The following ADAM11 variants were observed in gnomAD, a reference collection of about 807,000 sequenced individuals.
ADAM11 encodes ADAM metallopeptidase domain 11.
ADAM11 carries 49 observed loss-of-function variants against 119.1 expected under a neutral mutation model. The ratio of observed to expected loss-of-function variants is 0.41; its 90% CI spans 0.33 to 0.52. ADAM11 has a LOEUF of 0.52. Among genes scored for constraint, ADAM11 ranks in the 20% least tolerant of loss-of-function variants. The pLI is 0.20. For synonymous variants in ADAM11, 364 were observed against 408.0 expected, an observed-to-expected ratio of 0.89 and a Z score of 1.30; for missense variants, 777 against 1,047.5, an observed-to-expected ratio of 0.74 and a Z score of 3.56.
intron 2 of ADAM11, among the ~76,000 whole-genome samples, chr17:44,768,320 A>G (rs2049476135): frequency 6.6e-6 from 1 of 152,188 alleles, no homozygotes; most frequent in African/African-American, 2.4e-5. Context: ...AGCCTTGGTC[A>G]GCCTGGAATA....
rs748575332 is a variant in ADAM11 at position 44,776,892 on chromosome 17, C to T, written c.1618-7C>T. ...CATCCCTTGCCTCTTAATTCTTGGACTCTCAGGGCCGCTGCTACGGAGGTC... is the reference window on the plus strand; with the variant it reads ...CATCCCTTGCCTCTTAATTCTTGGATTCTCAGGGCCGCTGCTACGGAGGTC... On this transcript the variant is annotated splice_polypyrimidine_tract_variant and splice_region_variant and intron_variant, in intron 19 of 26. Transcript: ENST00000200557. The surrounding 1 kb of genome is among the most constrained non-coding windows in gnomAD (Gnocchi z 5.2). The T allele has an allele frequency of 6.2e-7, 1 of 1,613,532 alleles. No homozygotes were observed. Among genetic ancestry groups the T allele is most frequent in the Non-Finnish European group, 8.5e-7 (1 of 1,179,502 alleles).
At position 44,759,602 on chromosome 17, in the gene ADAM11, C is replaced by T. The variant is rs1029293374; in HGVS notation, c.62-120C>T. On this transcript the variant is annotated intron_variant, in intron 1 of 26. Transcript: ENST00000200557. ...TGCAGGGCAGCCAGATCCTCCCACC[C>T]GGATCGCCCTAGGGCTCCAGGGGCC... 3.0e-5 allele frequency: 39 copies of T among 1,304,002 alleles called. 1 individual carries two copies. The South Asian group carries it at 1.1e-3, about 37-fold the overall frequency. The allele number at this position is 1,304,002 out of a possible 1,614,324, so 80.8% of individuals were successfully genotyped here.
Position 44,772,609 on chromosome 17 carries a change from C to G in ADAM11, c.678+143C>G. ...ATGGATGTGGCTGGGGGCCAGGGAC[C>G]GTGTCTGGGAGAAGCCCCCACCCCT... On this transcript the variant is annotated intron_variant, in intron 8 of 26. Transcript: ENST00000200557. The surrounding 1 kb of genome is among the most constrained non-coding windows in gnomAD (Gnocchi z 4.5). The G allele has an allele frequency of 8.4e-7, 1 of 1,192,878 alleles. No individual in the cohort carries two copies. Among genetic ancestry groups the G allele is most frequent in the East Asian group, 2.6e-5 (1 of 38,986 alleles). The allele number at this position is 1,192,878 out of a possible 1,614,324, so 73.9% of individuals were successfully genotyped here.
At position 44,777,468 on chromosome 17, in the gene ADAM11, A is replaced by T. The variant is rs772992339; in HGVS notation, c.1782-14A>T. 6.2e-7 allele frequency: 1 copy of T among 1,613,214 alleles called. No homozygotes were observed. Among genetic ancestry groups the T allele is most frequent in the Non-Finnish European group, 8.5e-7 (1 of 1,179,178 alleles). On this transcript the variant is annotated splice_polypyrimidine_tract_variant and intron_variant, in intron 21 of 26. Transcript: ENST00000200557. The surrounding 1 kb of genome is among the most constrained non-coding windows in gnomAD (Gnocchi z 5.1). Reference sequence around the variant, plus strand: ...GTCAAACTTGGGGCTCACTGTCTCTATATGCCCCAACAGGGACGTGCTGTG... The same window carrying T: ...GTCAAACTTGGGGCTCACTGTCTCTTTATGCCCCAACAGGGACGTGCTGTG...
At chr17:44,763,166 A>G (rs1454891850) in intron 2 of ADAM11, among the ~76,000 whole-genome samples, 3 of 152,178 alleles carry the variant, frequency 2.0e-5, no homozygotes, top group African/African-American at 7.2e-5. Flanking sequence ...CAAAAGAACA[A>G]GGTAGAGAAA....
chr17:44,774,337 G>C lies in ADAM11; in HGVS notation c.1035G>C (p.Val345=), dbSNP rs532001484. The C allele has an allele frequency of 5.5e-5, 82 of 1,481,440 alleles. No individual in the cohort carries two copies. Among genetic ancestry groups the C allele is most frequent in the Non-Finnish European group, 6.7e-5 (75 of 1,111,172 alleles). 91.8% of individuals were successfully genotyped at this position (1,481,440 alleles called of 1,614,324 possible). A position where few individuals can be genotyped will look rare whatever the true frequency, so the allele number is the denominator to read the frequency against. The change falls in exon 12 of 27, where the codon GTG becomes GTC. Residue 345 remains valine (V), a synonymous_variant. Coordinates refer to ENST00000200557, the MANE Select transcript of ADAM11 (RefSeq NM_002390.6). ...GCACGAGCAGCGGGGCAGCCTACGT[G>C]GGGGGCATATGCTCCCTGTCCCACG... ...FQSTSSGAAY[V]GGICSLSHGG...
Position 44,772,263 on chromosome 17 carries a change from G to T in ADAM11, c.544-4G>T. On this transcript the variant is annotated splice_polypyrimidine_tract_variant and splice_region_variant and intron_variant, in intron 6 of 26. Transcript: ENST00000200557. The surrounding 1 kb of genome is among the most constrained non-coding windows in gnomAD (Gnocchi z 4.5). ...CCCCAAGAACTAATTTCCCCTCATT[G>T]CAGGGACCCCTTCCCCACCTCATTT... is the stretch of plus-strand genomic sequence containing the variant. The T allele has an allele frequency of 6.2e-7, 1 of 1,606,400 alleles. No homozygotes were observed.
In ADAM11 at chr17:44,776,282, C is replaced by T. The variant is rs1366977355; in HGVS notation, c.1566+75C>T. The T allele has an allele frequency of 2.9e-5, 44 of 1,534,122 alleles. No homozygotes were observed. Among genetic ancestry groups the T allele is most frequent in the Non-Finnish European group, 4.0e-5 (44 of 1,113,550 alleles). On this transcript the variant is annotated intron_variant, in intron 18 of 26. Coordinates refer to ENST00000200557, the MANE Select transcript of ADAM11 (RefSeq NM_002390.6). This position sits in a 1 kb window ranked among gnomAD's most constrained non-coding sequence, Gnocchi z 5.2. ...CCCTTGTCGATTTGGTTTTCCCGGA[C>T]GAGTGCTCAGCACTCCCCTCCTCTC...
chr17:44,771,567 C>T lies in ADAM11; in HGVS notation c.382-17C>T. On this transcript the variant is annotated splice_polypyrimidine_tract_variant and intron_variant, in intron 4 of 26. Coordinates refer to ENST00000200557, the MANE Select transcript of ADAM11 (RefSeq NM_002390.6). ...CGGCCTCATGCCAGCGTTCTGCTCA[C>T]TGTTCTGCTCCTTCAGGGGGCTGGA... 6.2e-7 allele frequency: 1 copy of T among 1,609,688 alleles called. No homozygotes were observed. Among genetic ancestry groups the T allele is most frequent in the South Asian group, 1.1e-5 (1 of 90,730 alleles).
At chr17:44,770,502 C>CG (rs1567690727) in intron 4 of ADAM11, among the ~76,000 whole-genome samples, 4 of 146,682 alleles carry the variant, frequency 2.7e-5, no homozygotes, top group African/African-American at 1.1e-4. Flanking sequence ...CCCCCCCCGC[C>CG]CCCACTGCCT....
chr17:44,775,700 G>A lies in ADAM11; in HGVS notation c.1485+24G>A. On this transcript the variant is annotated intron_variant, in intron 17 of 26. Coordinates refer to ENST00000200557, the MANE Select transcript of ADAM11 (RefSeq NM_002390.6). This position sits in a 1 kb window ranked among gnomAD's most constrained non-coding sequence, Gnocchi z 7.5. Reference sequence around the variant, plus strand: ...AGGTAAGCAGGACCGGCCGGGAGGCGGGGCCAGGACGCAGGAGGAGCGATT... The same window carrying A: ...AGGTAAGCAGGACCGGCCGGGAGGCAGGGCCAGGACGCAGGAGGAGCGATT... The A allele has an allele frequency of 4.5e-6, 7 of 1,556,358 alleles. No homozygotes were observed. Among genetic ancestry groups the A allele is most frequent in the Non-Finnish European group, 6.1e-6 (7 of 1,154,286 alleles).
chr17:44,775,137 C>G lies in ADAM11; in HGVS notation c.1221-75C>G, dbSNP rs1598892342. 7 of 1,276,532 alleles carry G rather than the reference C, an allele frequency of 5.5e-6. No homozygotes were observed. The highest frequency in any genetic ancestry group is 7.9e-6 in the Non-Finnish European group (7 of 886,314). The allele number at this position is 1,276,532 out of a possible 1,614,324, so 79.1% of individuals were successfully genotyped here. ...TGGTGACGAAGTCCCCCAGTGTACC[C>G]CCTCCCCAGCCTTGAGAGGGGTGAG... On this transcript the variant is annotated intron_variant, in intron 14 of 26. Transcript: ENST00000200557. This position sits in a 1 kb window ranked among gnomAD's most constrained non-coding sequence, Gnocchi z 7.5.
Position 44,780,142 on chromosome 17 carries a change from G to A in ADAM11, c.*388G>A. The A allele has an allele frequency of 1.7e-6, 1 of 599,066 alleles. No individual in the cohort carries two copies. The highest frequency in any genetic ancestry group is 3.1e-6 in the Non-Finnish European group (1 of 318,278). 37.1% of individuals were successfully genotyped at this position (599,066 alleles called of 1,614,324 possible). ...CTTGCAACCAGGCAGCTGAGACCAG[G>A]GTCTTACCTCTCTGGGACCTAGGGG... is the stretch of plus-strand genomic sequence containing the variant. On this transcript the variant is annotated 3_prime_UTR_variant, in exon 27 of 27. Coordinates refer to ENST00000200557, the MANE Select transcript of ADAM11 (RefSeq NM_002390.6).
At position 44,772,971 on chromosome 17, in the gene ADAM11, C is replaced by T. The variant is rs556381062; in HGVS notation, c.753+40C>T. On this transcript the variant is annotated intron_variant, in intron 9 of 26. Coordinates refer to ENST00000200557, the MANE Select transcript of ADAM11 (RefSeq NM_002390.6). This position sits in a 1 kb window ranked among gnomAD's most constrained non-coding sequence, Gnocchi z 4.5. Reference sequence around the variant, plus strand: ...AGGGACAGGGCGTGACACTGGGAGGCCCCTGAGGAGCCTGGCCCTCCTCCC... The same window carrying T: ...AGGGACAGGGCGTGACACTGGGAGGTCCCTGAGGAGCCTGGCCCTCCTCCC... The T allele has an allele frequency of 8.1e-6, 13 of 1,613,964 alleles. No homozygotes were observed. In the South Asian group the frequency reaches 8.8e-5, roughly 11 times the overall value.
intron 2 of ADAM11, among the ~76,000 whole-genome samples, chr17:44,767,074 A>G (rs1278641205): frequency 1.3e-5 from 2 of 152,018 alleles, no homozygotes; most frequent in Admixed American, 6.6e-5. Flanking sequence ...AAAAAAGAAC[A>G]TTCGCTGGGC....
chr17:44,781,242 CCT>C lies in ADAM11; in HGVS notation c.*1489_*1490del, dbSNP rs1426462976. 1 of 152,144 alleles carries C rather than the reference CCT, an allele frequency of 6.6e-6. No individual in the cohort carries two copies. Among genetic ancestry groups the C allele is most frequent in the Non-Finnish European group, 1.5e-5 (1 of 68,024 alleles). 9.4% of individuals were successfully genotyped at this position (152,144 alleles called of 1,614,324 possible). On this transcript the variant is annotated 3_prime_UTR_variant, in exon 27 of 27. Transcript: ENST00000200557. ...GGAGGCGTTGTGGAGGGCATCGCCC[CCT>C]GTTTATTCACAACACCCTCAGGGGC... is the stretch of plus-strand genomic sequence containing the variant.
rs1369368639 is a variant in ADAM11 at position 44,775,411 on chromosome 17, G to T, written c.1338G>T (p.Glu446Asp). 6.2e-7 allele frequency: 1 copy of T among 1,611,930 alleles called. No individual in the cohort carries two copies. Among genetic ancestry groups the T allele is most frequent in the Non-Finnish European group, 8.5e-7 (1 of 1,179,754 alleles). ...CGGTCCAGCTCCTGGACCCCCCAGA[G>T]TGCGGGAACGGCTTCGTGGAGGCAG... ...NKPLKLLDPP[E>D]CGNGFVEAGE... is the part of the protein sequence containing the mutation. Residue 446 changes from glutamate to aspartate, a missense_variant, in exon 16 of 27, where the codon GAG (glutamate) becomes GAT (aspartate). Transcript: ENST00000200557. This position sits in a 1 kb window ranked among gnomAD's most constrained non-coding sequence, Gnocchi z 7.5.
rs544346894 is a variant in ADAM11, at chr17:44,772,440, C to A, written c.652C>A (p.Arg218=). ...AVPAQSAPPN[R]PRLRRKRQVR... ...GCCTGCCCAGTCGGCTCCTCCAAAC[C>A]GGCCGAGGCTGAGAAGGAAAAGGCA... The change falls in exon 8 of 27, where the codon CGG becomes AGG. Residue 218 remains arginine (R), a synonymous_variant. Transcript: ENST00000200557. The surrounding 1 kb of genome is among the most constrained non-coding windows in gnomAD (Gnocchi z 4.5). The A allele has an allele frequency of 3.8e-6, 6 of 1,576,460 alleles. No individual in the cohort carries two copies. The highest frequency in any genetic ancestry group is 5.2e-6 in the Non-Finnish European group (6 of 1,160,672).
chr17:44,773,126 C>A lies in ADAM11; in HGVS notation c.825+41C>A, dbSNP rs1268048314. Reference sequence around the variant, plus strand: ...TCCCTCCCTTCCCTCCTCCTCATGCCCCCCACCCCACCACACACATTAGGG... The same window carrying A: ...TCCCTCCCTTCCCTCCTCCTCATGCACCCCACCCCACCACACACATTAGGG... On this transcript the variant is annotated intron_variant, in intron 10 of 26. Coordinates refer to ENST00000200557, the MANE Select transcript of ADAM11 (RefSeq NM_002390.6). This position sits in a 1 kb window ranked among gnomAD's most constrained non-coding sequence, Gnocchi z 4.6. 5 of 1,601,190 alleles carry A rather than the reference C, an allele frequency of 3.1e-6. No homozygotes were observed. The highest frequency in any genetic ancestry group is 3.4e-6 in the Non-Finnish European group (4 of 1,169,158).
Sources: allele counts gnomAD v4.1 joint callset (sites outside exome capture counted in the v4.1 genomes callset), GRCh38; gene constraint gnomAD v4.1.1; non-coding constraint Gnocchi (gnomAD v3.1); transcripts MANE v1.5; gene names NCBI Gene and HGNC (gene_info 2026-07-23, HGNC 2026-07-21).